Variants in CACNA2D3 observed in about 807,000 individuals in gnomAD.
CACNA2D3 encodes the protein voltage-dependent calcium channel subunit alpha-2/delta-3.
A neutral mutation model predicts 160.6 loss-of-function variants in CACNA2D3; 60 were observed. The observed-to-expected ratio is 0.37, with a 90% CI of 0.30 to 0.46. The LOEUF (loss-of-function observed/expected upper bound fraction) is 0.46. Ranked by LOEUF, CACNA2D3 falls within the 20% of genes least tolerant of loss-of-function variation. The pLI is 1.00. For synonymous variants in CACNA2D3, 558 were observed against 492.9 expected, an observed-to-expected ratio of 1.13 and a Z score of -1.75; for missense variants, 1,205 against 1,365.0, an observed-to-expected ratio of 0.88 and a Z score of 1.85.
intron 6 of CACNA2D3, among the ~76,000 whole-genome samples, chr3:54,567,711 G>A (rs529137674): frequency 6.6e-6 from 1 of 152,204 alleles, no homozygotes; most frequent in South Asian, 2.1e-4. Context: ...AATTGTTGCA[G>A]TTTTAGTAGA....
At chr3:54,707,497 A>G (rs138289997) in intron 11 of CACNA2D3, among the ~76,000 whole-genome samples, 1 of 152,310 alleles carries the variant, frequency 6.6e-6, no homozygotes, top group Non-Finnish European at 1.5e-5. Context: ...AGGGCAACCT[A>G]GGATTTGAGT....
intron 17 of CACNA2D3, among the ~76,000 whole-genome samples, chr3:54,871,291 G>C (rs1315352501): frequency 6.6e-6 from 1 of 151,898 alleles, no homozygotes; most frequent in Non-Finnish European, 1.5e-5. Flanking sequence ...AAGTCTACAA[G>C]GTAAATTCAT....
At chr3:54,646,916 C>G (rs181830981) in intron 11 of CACNA2D3, among the ~76,000 whole-genome samples, 39 of 152,254 alleles carry the variant, frequency 2.6e-4, no homozygotes, top group African/African-American at 9.1e-4. Flanking sequence ...AGGGACTGGA[C>G]CCTCCACAAG....
At chr3:54,946,654 G>T (rs1481247514) in intron 27 of CACNA2D3, among the ~76,000 whole-genome samples, 1 of 151,948 alleles carries the variant, frequency 6.6e-6, no homozygotes, top group Admixed American at 6.5e-5. Flanking sequence ...TGGAAGCTGG[G>T]TGCAAACCTG....
At chr3:54,743,042 G>A (rs952603683) in intron 11 of CACNA2D3, among the ~76,000 whole-genome samples, 3 of 152,186 alleles carry the variant, frequency 2.0e-5, no homozygotes, top group African/African-American at 7.2e-5. Context: ...AAATAGAGTC[G>A]CAATGAAGGA....
chr3:54,291,045 C>T (rs954784026), intron 2 of CACNA2D3, among the ~76,000 whole-genome samples: 10 of 152,140 alleles, frequency 6.6e-5, no homozygotes, highest in Non-Finnish European at 5.9e-5. Flanking sequence ...TACCCTAAAA[C>T]TTAAAGTATA....
At chr3:54,348,684 A>G (rs553233580) in intron 3 of CACNA2D3, among the ~76,000 whole-genome samples, 6 of 152,344 alleles carry the variant, frequency 3.9e-5, no homozygotes, top group Non-Finnish European at 7.3e-5. Flanking sequence ...TCTGTCAAGA[A>G]GAGAGATGCT....
At chr3:54,400,988 A>C (rs1699451144) in intron 4 of CACNA2D3, among the ~76,000 whole-genome samples, 1 of 152,188 alleles carries the variant, frequency 6.6e-6, no homozygotes, top group African/African-American at 2.4e-5. Flanking sequence ...TAGGCAATTC[A>C]GTGAAATCAG....
chr3:54,583,976 A>G (rs1222498143), intron 9 of CACNA2D3, among the ~76,000 whole-genome samples: 1 of 152,144 alleles, frequency 6.6e-6, no homozygotes, highest in African/African-American at 2.4e-5. Context: ...CTTTGTGACA[A>G]CACTTTTTCT....
chr3:54,334,481 T>C (rs1285211485), intron 3 of CACNA2D3, among the ~76,000 whole-genome samples: 1 of 152,166 alleles, frequency 6.6e-6, no homozygotes, highest in Non-Finnish European at 1.5e-5. Flanking sequence ...GGTTAGCCAT[T>C]ATCCACTGAC....
chr3:54,727,121 G>C (rs1280270760), intron 11 of CACNA2D3, among the ~76,000 whole-genome samples: 1 of 152,166 alleles, frequency 6.6e-6, no homozygotes, highest in East Asian at 1.9e-4. Flanking sequence ...CTTCTCAAAA[G>C]AAGACATTTA....
chr3:54,141,246 A>G (rs1013340757), intron 2 of CACNA2D3, among the ~76,000 whole-genome samples: 7 of 152,112 alleles, frequency 4.6e-5, no homozygotes, highest in Non-Finnish European at 7.4e-5. Context: ...TATGTGCTGA[A>G]TTAACCACAG....
intron 2 of CACNA2D3, among the ~76,000 whole-genome samples, chr3:54,248,038 G>A (rs1702115264): frequency 6.6e-6 from 1 of 152,202 alleles, no homozygotes; most frequent in Non-Finnish European, 1.5e-5. Flanking sequence ...GGATGAGAAT[G>A]GGAATGTTAC....
At chr3:54,254,089 G>C (rs749601826) in intron 2 of CACNA2D3, among the ~76,000 whole-genome samples, 3 of 152,094 alleles carry the variant, frequency 2.0e-5, no homozygotes, top group Non-Finnish European at 4.4e-5. Context: ...CTTACAGTGA[G>C]CGGCTGGTTT....
chr3:54,846,292 CAAGTT>C (rs1698929992), intron 16 of CACNA2D3, 96 bp from the exon 17 acceptor site: 6 of 674,906 alleles, frequency 8.9e-6, no homozygotes, highest in Admixed American at 8.1e-5. Context: ...TTATGAATGA[CAAGTT>C]AAAGCTGTAA....
At chr3:54,226,350 A>G (rs1384148627) in intron 2 of CACNA2D3, among the ~76,000 whole-genome samples, 10 of 122,418 alleles carry the variant, frequency 8.2e-5, no homozygotes, top group Non-Finnish European at 1.6e-4. Flanking sequence ...TTGCTCTGTC[A>G]CCCAGGCTGG....
chr3:54,297,407 G>GTT (rs1703365952), intron 2 of CACNA2D3, among the ~76,000 whole-genome samples: 1 of 151,982 alleles, frequency 6.6e-6, no homozygotes, highest in South Asian at 2.1e-4. Context: ...GGGGGGTGTA[G>GTT]GACAGATGCA....
chr3:54,907,199 G>A (rs1377415051), intron 27 of CACNA2D3, among the ~76,000 whole-genome samples: 2 of 152,194 alleles, frequency 1.3e-5, no homozygotes, highest in Non-Finnish European at 2.9e-5. Flanking sequence ...ATGGTGGGAT[G>A]TGGACATAAA....
rs117053606 is a variant in CACNA2D3 at position 54,663,862 on chromosome 3, C to G, written c.1167+21621C>G. ...AAGATGGCCACTTCACTGCCACCCTCTCCTGCCTGTGTTTTCCCTTCTTGC... is the reference window on the plus strand; with the variant it reads ...AAGATGGCCACTTCACTGCCACCCTGTCCTGCCTGTGTTTTCCCTTCTTGC... On this transcript the variant is annotated intron_variant, in intron 11 of 37. Transcript: ENST00000474759. Among the ~76,000 whole-genome samples, 92 of 152,352 alleles carry G rather than the reference C, an allele frequency of 6.0e-4. 1 individual carries two copies. The East Asian group carries it at 0.017, about 28-fold the overall frequency.
Sources: gnomAD v4.1 joint callset for allele counts (sites outside exome capture counted in the v4.1 genomes callset) on GRCh38, gnomAD v4.1.1 for gene constraint, MANE v1.5 for transcripts, NCBI Gene and HGNC (gene_info 2026-07-23, HGNC 2026-07-21) for gene names.